The following GSG1L variants were observed in gnomAD, a reference collection of about 807,000 sequenced individuals.
GSG1L encodes germ cell-specific gene 1-like protein.
A neutral mutation model predicts 42.1 loss-of-function variants in GSG1L; 24 were observed. The ratio of observed to expected loss-of-function variants is 0.57; its 90% CI spans 0.41 to 0.80. The LOEUF (loss-of-function observed/expected upper bound fraction) is 0.80. GSG1L is among the 30% of genes least tolerant of loss of function. GSG1L has a pLI of 0.00. For synonymous variants in GSG1L, 215 were observed against 203.5 expected, an observed-to-expected ratio of 1.06 and a Z score of -0.48; for missense variants, 445 against 472.2, an observed-to-expected ratio of 0.94 and a Z score of 0.53.
intron 1 of GSG1L, among the ~76,000 whole-genome samples, chr16:28,062,362 G>A (rs938723335): frequency 6.6e-6 from 1 of 152,144 alleles, no homozygotes; most frequent in Non-Finnish European, 1.5e-5. Flanking sequence ...TAGGAGCCTT[G>A]TGCTAAGCTA....
intron 1 of GSG1L, among the ~76,000 whole-genome samples, chr16:27,982,819 A>T: frequency 6.6e-6 from 1 of 152,144 alleles, no homozygotes. Flanking sequence ...ATCTTGCATG[A>T]ACTCATTGTC....
intron 1 of GSG1L, among the ~76,000 whole-genome samples, chr16:27,976,501 A>T (rs768045108): frequency 2.6e-5 from 4 of 152,236 alleles, no homozygotes; most frequent in Non-Finnish European, 4.4e-5. Context: ...CCTACTCTGC[A>T]GAATCCAGAA....
chr16:28,039,530 C>A (rs2086080634), intron 1 of GSG1L, among the ~76,000 whole-genome samples: 1 of 152,166 alleles, frequency 6.6e-6, no homozygotes, highest in African/African-American at 2.4e-5. Flanking sequence ...TCCACACATA[C>A]TCATTCACAC....
chr16:27,996,363 T>G (rs553722620), intron 1 of GSG1L, among the ~76,000 whole-genome samples: 1 of 152,248 alleles, frequency 6.6e-6, no homozygotes, highest in Non-Finnish European at 1.5e-5. Flanking sequence ...ATCTTACACG[T>G]GTGCAAAATT....
chr16:27,817,998 G>A (rs1336745671), intron 5 of GSG1L, among the ~76,000 whole-genome samples: 2 of 152,200 alleles, frequency 1.3e-5, no homozygotes, highest in African/African-American at 2.4e-5. Flanking sequence ...GATCACCCGA[G>A]AAGCTTGTTC....
At chr16:28,021,558 A>T (rs949273523) in intron 1 of GSG1L, among the ~76,000 whole-genome samples, 2 of 152,048 alleles carry the variant, frequency 1.3e-5, no homozygotes, top group Non-Finnish European at 2.9e-5. Flanking sequence ...AATAGGTCTT[A>T]TTTTTTCCAT....
At chr16:27,945,076 CAAAAAAA>C (rs34265192) in intron 2 of GSG1L, among the ~76,000 whole-genome samples, 3 of 87,326 alleles carry the variant, frequency 3.4e-5, no homozygotes, top group African/African-American at 8.7e-5. Flanking sequence ...GACCCTGTCT[CAAAAAAA>C]AAAAAAAAAA....
At chr16:28,025,382 C>T (rs2085888942) in intron 1 of GSG1L, among the ~76,000 whole-genome samples, 1 of 152,176 alleles carries the variant, frequency 6.6e-6, no homozygotes, top group African/African-American at 2.4e-5. Context: ...GAAGAGCAGA[C>T]ATAAGGGGGA....
chr16:27,988,757 A>G (rs2085417370), intron 1 of GSG1L, among the ~76,000 whole-genome samples: 1 of 151,436 alleles, frequency 6.6e-6, no homozygotes, highest in Non-Finnish European at 1.5e-5. Flanking sequence ...AATTAAGAAA[A>G]AAAAAAAAAG....
chr16:28,029,314 A>G (rs1048891116), intron 1 of GSG1L, among the ~76,000 whole-genome samples: 87 of 152,252 alleles, frequency 5.7e-4, no homozygotes, highest in African/African-American at 2.0e-3. Context: ...AGCAGCATCA[A>G]GTAAACTGCT....
At chr16:27,976,138 A>C (rs2085248133) in intron 1 of GSG1L, among the ~76,000 whole-genome samples, 1 of 152,136 alleles carries the variant, frequency 6.6e-6, no homozygotes. Flanking sequence ...AGCCAGGCCC[A>C]GTGGTGCACG....
intron 1 of GSG1L, among the ~76,000 whole-genome samples, chr16:27,987,991 G>C (rs546502538): frequency 9.5e-5 from 14 of 146,736 alleles, no homozygotes; most frequent in Non-Finnish European, 2.1e-4. Flanking sequence ...TCGTGTCATA[G>C]TTTCAAATTC....
At chr16:28,042,101 T>C (rs1279010002) in intron 1 of GSG1L, among the ~76,000 whole-genome samples, 1 of 152,158 alleles carries the variant, frequency 6.6e-6, no homozygotes, top group Non-Finnish European at 1.5e-5. Flanking sequence ...CATGATCACA[T>C]CACCAGGAGG....
intron 6 of GSG1L, among the ~76,000 whole-genome samples, chr16:27,803,913 C>T (rs891643830): frequency 2.7e-5 from 4 of 150,014 alleles, no homozygotes; most frequent in Admixed American, 6.7e-5. Context: ...ATAGATGACA[C>T]GATTGATAGA....
intron 5 of GSG1L, among the ~76,000 whole-genome samples, chr16:27,817,684 A>G (rs1304090565): frequency 6.6e-6 from 1 of 152,180 alleles, no homozygotes; most frequent in African/African-American, 2.4e-5. Context: ...ATCTGTCTTG[A>G]ACCAATTTTT....
chr16:27,829,313 G>C (rs1596540300), intron 4 of GSG1L, among the ~76,000 whole-genome samples: 2 of 152,120 alleles, frequency 1.3e-5, no homozygotes, highest in African/African-American at 2.4e-5. Context: ...GGGCATTCCA[G>C]GAGAAGGAAT....
chr16:27,911,965 C>T (rs34746043), intron 2 of GSG1L, among the ~76,000 whole-genome samples: 43,048 of 152,122 alleles, frequency 0.28, 7,571 homozygotes, highest in East Asian at 0.51. Flanking sequence ...CACTGGGCCC[C>T]AGTGTCTTGA....
chr16:27,802,436 G>A (rs1022895893), intron 6 of GSG1L, among the ~76,000 whole-genome samples: 1 of 152,054 alleles, frequency 6.6e-6, no homozygotes, highest in Non-Finnish European at 1.5e-5. Flanking sequence ...CAGCAACTCC[G>A]CTATCCCCAG....
At chr16:27,894,060 G>A (rs577704296) in intron 2 of GSG1L, among the ~76,000 whole-genome samples, 8 of 152,316 alleles carry the variant, frequency 5.3e-5, no homozygotes, top group African/African-American at 1.7e-4. Context: ...GCCAGCAATT[G>A]TAATAAGAGG....
Sources: allele counts gnomAD v4.1 joint callset (sites outside exome capture counted in the v4.1 genomes callset), GRCh38; gene constraint gnomAD v4.1.1; transcripts MANE v1.5; gene names NCBI Gene and HGNC (gene_info 2026-07-23, HGNC 2026-07-21).